The following GNAO1 variants were observed in gnomAD, a reference collection of about 807,000 sequenced individuals.
The protein encoded by GNAO1 is G protein subunit alpha o1, also known as guanine nucleotide-binding protein G(o) subunit alpha.
For synonymous variants in GNAO1, 164 were observed against 180.7 expected (o/e 0.91, Z 0.74); for missense variants, 166 against 478.7 (o/e 0.35, Z 6.10).
At chr16:56,280,620 C>T (rs549614445) in intron 3 of GNAO1, among the ~76,000 whole-genome samples, 39 of 151,936 alleles carry the variant, frequency 2.6e-4, no homozygotes, top group Non-Finnish European at 4.9e-4. Context: ...AGATGGGAGG[C>T]AGGTGAAGAA....
Position 56,351,330 on chromosome 16 carries a change from C to T in GNAO1, c.724-54C>T. 7.4e-7 allele frequency: 1 copy of T among 1,346,876 alleles called. No homozygotes were observed. The highest frequency in any genetic ancestry group is 1.1e-6 in the Non-Finnish European group (1 of 946,208). The allele number at this position is 1,346,876 out of a possible 1,614,324, so 83.4% of individuals were successfully genotyped here. A position where few individuals can be genotyped will look rare whatever the true frequency, so the allele number is the denominator to read the frequency against. On this transcript the variant is annotated intron_variant, in intron 6 of 8. Transcript: ENST00000262493. The surrounding 1 kb of genome is among the most constrained non-coding windows in gnomAD (Gnocchi z 6.1). ...TAATTCTCTCCTTCTCTTTCCCTGT[C>T]TCTGTGTCTCCCTCCCGCTGTCTGT...
chr16:56,256,051 C>T (rs773031364), intron 2 of GNAO1, among the ~76,000 whole-genome samples: 1 of 152,258 alleles, frequency 6.6e-6, no homozygotes, highest in Non-Finnish European at 1.5e-5. Flanking sequence ...GTGCACTGTT[C>T]GTTCTGACAG....
At chr16:56,277,825 ACACACACACACACACACG>A (rs1212637284) in intron 3 of GNAO1, among the ~76,000 whole-genome samples, 1 of 93,132 alleles carries the variant, frequency 1.1e-5, no homozygotes, top group Non-Finnish European at 2.7e-5. Flanking sequence ...ACACACACAC[ACACACACACACACACACG>A]GTGTGTGAGA....
chr16:56,284,982 G>T (rs1016780992), intron 3 of GNAO1, among the ~76,000 whole-genome samples: 1 of 152,212 alleles, frequency 6.6e-6, no homozygotes, highest in Non-Finnish European at 1.5e-5. Flanking sequence ...AGCCTCCAGG[G>T]CTCCAGCACA....
chr16:56,338,442 C>T (rs1421644076), intron 6 of GNAO1, among the ~76,000 whole-genome samples: 1 of 152,224 alleles, frequency 6.6e-6, no homozygotes, highest in East Asian at 1.9e-4. Flanking sequence ...GCCATGTGCC[C>T]CTCACAGTGA....
intron 2 of GNAO1, among the ~76,000 whole-genome samples, chr16:56,246,657 A>C (rs1194298389): frequency 6.6e-6 from 1 of 152,068 alleles, no homozygotes; most frequent in Non-Finnish European, 1.5e-5. Flanking sequence ...CGCTGTCCCC[A>C]CAGCGCCCTG....
chr16:56,349,081 G>A (rs959873628), intron 6 of GNAO1, among the ~76,000 whole-genome samples: 5 of 152,196 alleles, frequency 3.3e-5, no homozygotes, highest in Admixed American at 6.5e-5. Flanking sequence ...GGTGTGAGTC[G>A]TGCTCTGTGG....
chr16:56,341,633 C>T (rs2037804715), intron 6 of GNAO1, among the ~76,000 whole-genome samples: 3 of 152,204 alleles, frequency 2.0e-5, no homozygotes, highest in African/African-American at 7.2e-5. Context: ...GAGCCCTGGC[C>T]CCCTATATAG....
chr16:56,214,902 C>T (rs754329458), intron 2 of GNAO1, among the ~76,000 whole-genome samples: 6 of 152,260 alleles, frequency 3.9e-5, no homozygotes, highest in Non-Finnish European at 7.3e-5. Flanking sequence ...CATAAAGTCT[C>T]CTCAGCTGCC....
chr16:56,213,209 T>G lies in GNAO1; in HGVS notation c.161+20593T>G, dbSNP rs186726436. On this transcript the variant is annotated intron_variant, in intron 2 of 8. Coordinates refer to ENST00000262493, the MANE Select transcript of GNAO1 (RefSeq NM_020988.3). ...TTACACAAAAGTGTTTGAAATTATT[T>G]GGTTAAAATGCTTTCCATCGAGGTT... 3,071 of 398,394 alleles carry G rather than the reference T, an allele frequency of 7.7e-3. 10 individuals carry two copies. Among genetic ancestry groups the G allele is most frequent in the Middle Eastern group, 0.013 (21 of 1,588 alleles). The allele number at this position is 398,394 out of a possible 1,614,324, so 24.7% of individuals were successfully genotyped here.
chr16:56,264,253 G>A (rs185290698), intron 2 of GNAO1, among the ~76,000 whole-genome samples: 2 of 152,310 alleles, frequency 1.3e-5, no homozygotes, highest in Admixed American at 1.3e-4. Context: ...GTAATCTAGG[G>A]CCAGGGGCCC....
At chr16:56,325,744 G>T (rs530394072) in intron 3 of GNAO1, among the ~76,000 whole-genome samples, 1 of 152,232 alleles carries the variant, frequency 6.6e-6, no homozygotes, top group African/African-American at 2.4e-5. Flanking sequence ...GAGTGCAAGT[G>T]GCAGAAACTA....
At chr16:56,343,932 G>A (rs749547459) in intron 6 of GNAO1, 11 of 1,613,896 alleles carry the variant, frequency 6.8e-6, no homozygotes, top group South Asian at 1.1e-5. Context: ...AAAACCTGCG[G>A]GGCTGTGGAC....
At chr16:56,316,439 A>G (rs1355500161) in intron 3 of GNAO1, among the ~76,000 whole-genome samples, 2 of 152,182 alleles carry the variant, frequency 1.3e-5, no homozygotes, top group African/African-American at 4.8e-5. Context: ...GTGTGCCCAC[A>G]GGTGGCTGTC....
intron 2 of GNAO1, among the ~76,000 whole-genome samples, chr16:56,261,862 C>A (rs1428791090): frequency 3.9e-5 from 6 of 152,154 alleles, no homozygotes; most frequent in African/African-American, 1.4e-4. Context: ...TCTTTCCAAA[C>A]AAACGTCCAA....
At chr16:56,301,715 A>G (rs941759524) in intron 3 of GNAO1, 1 of 152,116 alleles carries the variant, frequency 6.6e-6, no homozygotes, top group African/African-American at 2.4e-5. Flanking sequence ...GAACACAGCT[A>G]AACCATTCTG....
intron 2 of GNAO1, among the ~76,000 whole-genome samples, chr16:56,220,840 C>G (rs1285866563): frequency 6.6e-6 from 1 of 152,054 alleles, no homozygotes; most frequent in Admixed American, 6.6e-5. Flanking sequence ...CTCTGCTGCC[C>G]GGGTTCAAGC....
At chr16:56,229,466 C>T (rs1489383631) in intron 2 of GNAO1, among the ~76,000 whole-genome samples, 3 of 152,152 alleles carry the variant, frequency 2.0e-5, no homozygotes, top group African/African-American at 7.2e-5. Flanking sequence ...CCTTGGCCTC[C>T]CAAAGTGCTG....
At chr16:56,272,303 A>T (rs547099973) in intron 2 of GNAO1, among the ~76,000 whole-genome samples, 1 of 151,632 alleles carries the variant, frequency 6.6e-6, no homozygotes, top group South Asian at 2.1e-4. Flanking sequence ...ACAGAGCGAG[A>T]CTCCATCTGA....
Sources: gnomAD v4.1 joint callset for allele counts (sites outside exome capture counted in the v4.1 genomes callset) on GRCh38, gnomAD v4.1.1 for gene constraint, Gnocchi (gnomAD v3.1) non-coding constraint, MANE v1.5 for transcripts, NCBI Gene and HGNC (gene_info 2026-07-23, HGNC 2026-07-21) for gene names.